Variants in PRKD3 observed in about 807,000 individuals in gnomAD.
PRKD3 encodes serine/threonine-protein kinase D3.
In PRKD3, 47 loss-of-function variants were observed where a neutral mutation model predicts 99.2. The observed-to-expected ratio is 0.47, with a 90% confidence interval of 0.38 to 0.60. The LOEUF (loss-of-function observed/expected upper bound fraction) is 0.60. Ranked by LOEUF, PRKD3 falls within the 20% of genes least tolerant of loss-of-function variation. The pLI is 0.00. For missense variants in PRKD3, 1,019 were observed against 1,088.4 expected (o/e 0.94, Z 0.90); for synonymous variants, 392 against 355.4 (o/e 1.10, Z -1.16).
chr2:37,307,614 G>C (rs1222232657), intron 2 of PRKD3, among the ~76,000 whole-genome samples: 3 of 152,122 alleles, frequency 2.0e-5, no homozygotes, highest in Non-Finnish European at 4.4e-5. Flanking sequence ...CTAAATGTAA[G>C]ACATCTCTGA....
rs760240985 is a variant in PRKD3 at position 37,274,646 on chromosome 2, T to C, written c.1426A>G (p.Asn476Asp). The change falls in exon 11 of 19, where the codon AAC becomes GAC. Residue 476 changes from asparagine (N) to aspartate (D), a missense_variant. Coordinates refer to ENST00000234179, the MANE Select transcript of PRKD3 (RefSeq NM_005813.6). Reference sequence around the variant, plus strand: ...TGTGGATTGCTGCCTTGTGAAATGTTTGTGAAATCTCGTGGTGAAGATATG... The same window carrying C: ...TGTGGATTGCTGCCTTGTGAAATGTCTGTGAAATCTCGTGGTGAAGATATG... ...LRISSPRDFT[N>D]ISQGSNPHCF... 3.1e-6 allele frequency: 5 copies of C among 1,614,002 alleles called. No individual in the cohort carries two copies. In the African/African-American group the frequency reaches 6.7e-5, roughly 22 times the overall value.
chr2:37,290,083 T>G (rs1670326304), intron 4 of PRKD3, among the ~76,000 whole-genome samples: 1 of 152,218 alleles, frequency 6.6e-6, no homozygotes, highest in Non-Finnish European at 1.5e-5. Context: ...CAACAAAGTC[T>G]AAAACATTTA....
At chr2:37,264,664 T>G (rs1342082059) in intron 14 of PRKD3, among the ~76,000 whole-genome samples, 2 of 152,100 alleles carry the variant, frequency 1.3e-5, no homozygotes, top group African/African-American at 2.4e-5. Context: ...AGGAAACAGC[T>G]AATGCAAAGC....
intron 2 of PRKD3, among the ~76,000 whole-genome samples, chr2:37,295,376 A>C (rs1670631097): frequency 6.6e-6 from 1 of 152,214 alleles, no homozygotes. Context: ...AGCAGAACTA[A>C]AAAAGAGAAG....
chr2:37,282,350 A>G, intron 7 of PRKD3, 192 bp downstream of exon 7: 1 of 540,748 alleles, frequency 1.8e-6, no homozygotes, highest in Non-Finnish European at 3.3e-6. Context: ...TGGCCAGAGG[A>G]AAGACGGGAA....
chr2:37,291,084 G>A (rs2124839549), intron 3 of PRKD3, 85 bp from the exon 4 acceptor site: 8 of 1,243,256 alleles, frequency 6.4e-6, no homozygotes, highest in South Asian at 5.7e-5. Flanking sequence ...TTATGTCAAA[G>A]TACACAGAAT....
chr2:37,285,306 G>T (rs1019080219), intron 6 of PRKD3, among the ~76,000 whole-genome samples: 1 of 152,072 alleles, frequency 6.6e-6, no homozygotes, highest in Non-Finnish European at 1.5e-5. Flanking sequence ...AAGCATAAAA[G>T]CATTATATAA....
intron 16 of PRKD3, among the ~76,000 whole-genome samples, chr2:37,259,283 C>G (rs942168953): frequency 3.3e-5 from 5 of 152,178 alleles, no homozygotes; most frequent in Admixed American, 1.3e-4. Context: ...GGTATTTATC[C>G]TAAGTACCAT....
At position 37,256,931 on chromosome 2, in the gene PRKD3, T is replaced by G; in HGVS notation, c.2146-2A>C. ...AAATCCAAAGTCACACAGCTTCACC[T>G]GGAAATTGAAGGATGATGTTAATTT... On this transcript the variant is annotated splice_acceptor_variant, in intron 16 of 18. Transcript: ENST00000234179. LOFTEE classifies it high-confidence loss of function. The G allele has an allele frequency of 1.2e-6, 2 of 1,613,844 alleles. No homozygotes were observed. The highest frequency in any genetic ancestry group is 1.7e-6 in the Non-Finnish European group (2 of 1,179,792).
intron 2 of PRKD3, among the ~76,000 whole-genome samples, chr2:37,315,337 AAAC>A (rs1671611795): frequency 6.6e-6 from 1 of 152,216 alleles, no homozygotes; most frequent in African/African-American, 2.4e-5. Context: ...GGTGAATGAG[AAAC>A]AACATAAAAC....
chr2:37,323,854 G>A (rs1243746964), intron 1 of PRKD3, among the ~76,000 whole-genome samples: 1 of 152,132 alleles, frequency 6.6e-6, no homozygotes, highest in East Asian at 1.9e-4. Flanking sequence ...TTTCCTGTGG[G>A]GATGGGTGTG....
At chr2:37,302,802 T>TCAAGTG (rs1470817850) in intron 2 of PRKD3, among the ~76,000 whole-genome samples, 2 of 152,064 alleles carry the variant, frequency 1.3e-5, no homozygotes, top group African/African-American at 2.4e-5. Context: ...TCATTCTGCC[T>TCAAGTG]CAAGCCTCCC....
intron 17 of PRKD3, among the ~76,000 whole-genome samples, chr2:37,256,085 G>C (rs773862256): frequency 6.6e-6 from 1 of 152,092 alleles, no homozygotes; most frequent in African/African-American, 2.4e-5. Context: ...TAGAGGAGTA[G>C]TCAGGGAACT....
chr2:37,288,624 G>C (rs1431348265), intron 5 of PRKD3, among the ~76,000 whole-genome samples: 1 of 152,116 alleles, frequency 6.6e-6, no homozygotes, highest in Non-Finnish European at 1.5e-5. Flanking sequence ...CTTTGCCCTT[G>C]AGAGGTACAC....
At chr2:37,254,348 G>A in intron 17 of PRKD3, 59 bp from the exon 18 acceptor site, 3 of 1,338,830 alleles carry the variant, frequency 2.2e-6, no homozygotes, top group East Asian at 2.3e-5. Flanking sequence ...CCCCAAACTT[G>A]TGACTGCCTA....
intron 14 of PRKD3, among the ~76,000 whole-genome samples, chr2:37,266,810 T>C (rs1668874303): frequency 6.6e-6 from 1 of 152,166 alleles, no homozygotes; most frequent in Non-Finnish European, 1.5e-5. Context: ...TATACGACCA[T>C]GATTTCTTTA....
rs544470382 is a variant in PRKD3 at position 37,288,126 on chromosome 2, C to T, written c.717+1230G>A. On this transcript the variant is annotated intron_variant, in intron 5 of 18. Transcript: ENST00000234179. ...ACTTGCTCTGTCCTTCTGCTATTTCCTAATCTAGTAATACTCAACTGGGCA... is the reference window on the plus strand; with the variant it reads ...ACTTGCTCTGTCCTTCTGCTATTTCTTAATCTAGTAATACTCAACTGGGCA... 2.6e-5 allele frequency among the ~76,000 whole-genome samples: 4 copies of T among 152,236 alleles called. No individual in the cohort carries two copies. The South Asian group carries it at 8.3e-4, about 32-fold the overall frequency.
chr2:37,280,953 T>G (rs1380435916), intron 7 of PRKD3, among the ~76,000 whole-genome samples: 1 of 152,158 alleles, frequency 6.6e-6, no homozygotes, highest in Non-Finnish European at 1.5e-5. Context: ...AGGATCTGAA[T>G]AGGTGCTTTT....
intron 1 of PRKD3, among the ~76,000 whole-genome samples, chr2:37,318,850 G>C (rs956584267): frequency 1.3e-5 from 2 of 152,188 alleles, no homozygotes; most frequent in African/African-American, 4.8e-5. Context: ...GATTTGTAGA[G>C]CGGTTTCAAG....
Sources: gnomAD v4.1 joint callset for allele counts (sites outside exome capture counted in the v4.1 genomes callset) on GRCh38, gnomAD v4.1.1 for gene constraint, MANE v1.5 for transcripts, NCBI Gene and HGNC (gene_info 2026-07-23, HGNC 2026-07-21) for gene names.